PDE1C: variants seen among roughly 807,000 people sequenced by gnomAD.
PDE1C encodes dual specificity calcium/calmodulin-dependent 3',5'-cyclic nucleotide phosphodiesterase 1C.
Under a neutral mutation model 93.1 loss-of-function variants are expected in PDE1C, and 62 were observed. The observed-to-expected ratio is 0.67, with a 90% CI of 0.54 to 0.82. The LOEUF (loss-of-function observed/expected upper bound fraction) is 0.82. Ranked by LOEUF, PDE1C falls within the 40% of genes least tolerant of loss-of-function variation. The pLI is 0.00. For synonymous variants in PDE1C, 325 were observed against 310.1 expected (o/e 1.05, Z -0.50); for missense variants, 742 against 884.6 (o/e 0.84, Z 2.04).
At chr7:31,882,262 G>A (rs925823367) in intron 2 of PDE1C, among the ~76,000 whole-genome samples, 1 of 152,168 alleles carries the variant, frequency 6.6e-6, no homozygotes, top group African/African-American at 2.4e-5. Flanking sequence ...GGCCCCTGCA[G>A]GCTTGGAGGT....
intron 2 of PDE1C, among the ~76,000 whole-genome samples, chr7:32,203,768 C>T (rs1337676780): frequency 1.3e-5 from 2 of 152,178 alleles, no homozygotes; most frequent in Non-Finnish European, 2.9e-5. Context: ...TTTAATAACA[C>T]TTCCATCTTA....
the PDE1C span, among the ~76,000 whole-genome samples, chr7:31,696,430 G>A: frequency 1.3e-5 from 2 of 152,210 alleles, no homozygotes; most frequent in Non-Finnish European, 2.9e-5. Flanking sequence ...AGTGTGGGTA[G>A]TGAATTGTGG....
At chr7:31,747,467 C>G (rs1794030045), downstream of PDE1C, among the ~76,000 whole-genome samples, 1 of 152,086 alleles carries the variant, frequency 6.6e-6, no homozygotes, top group Non-Finnish European at 1.5e-5. Flanking sequence ...GAGCAGTGTT[C>G]TATCATTTCA....
intron 1 of PDE1C, among the ~76,000 whole-genome samples, chr7:32,271,121 G>C (rs150544581): frequency 2.0e-5 from 3 of 152,196 alleles, no homozygotes; most frequent in South Asian, 2.1e-4. Context: ...CTGGGTGACA[G>C]AGCGAGACTC....
chr7:32,094,838 T>C (rs1797665909), intron 3 of PDE1C, among the ~76,000 whole-genome samples: 1 of 152,196 alleles, frequency 6.6e-6, no homozygotes, highest in Non-Finnish European at 1.5e-5. Context: ...GCTCCATCTC[T>C]TGTTTTGCCC....
chr7:32,392,839 A>G (rs1221595222), intron 1 of PDE1C, among the ~76,000 whole-genome samples: 1 of 152,088 alleles, frequency 6.6e-6, no homozygotes, highest in African/African-American at 2.4e-5. Context: ...TCACAAGGTC[A>G]GGAGTTCGAG....
intron 2 of PDE1C, among the ~76,000 whole-genome samples, chr7:31,981,663 C>T (rs1258861879): frequency 1.3e-5 from 2 of 152,186 alleles, no homozygotes; most frequent in African/African-American, 4.8e-5. Flanking sequence ...ACTTTTAAAG[C>T]ACTTTTTCTA....
At position 31,754,890 on chromosome 7, in the gene PDE1C, TA is replaced by T. The variant is rs534136427; in HGVS notation, c.1961-1338del. The stretch of plus-strand genomic sequence containing the variant: ...TAGAATAATCCTTAATGTATGCAAA[TA>T]AAAAAACTATTTAAGAGGTCGGAGG... On this transcript the variant is annotated intron_variant, in intron 17 of 17. Coordinates refer to ENST00000396191, the MANE Select transcript of PDE1C (RefSeq NM_001191057.4). 1.2e-4 allele frequency among the ~76,000 whole-genome samples: 19 copies of T among 152,230 alleles called. No individual in the cohort carries two copies. In the East Asian group the frequency reaches 1.7e-3, roughly 14 times the overall value.
chr7:31,639,772 G>A, the PDE1C span, among the ~76,000 whole-genome samples: 4 of 151,860 alleles, frequency 2.6e-5, no homozygotes, highest in South Asian at 6.3e-4. Flanking sequence ...TCCTGACCTC[G>A]TGATCTGCCT....
At chr7:32,255,346 T>C (rs1027328056) in intron 1 of PDE1C, among the ~76,000 whole-genome samples, 1 of 152,210 alleles carries the variant, frequency 6.6e-6, no homozygotes, top group Non-Finnish European at 1.5e-5. Context: ...GCCTGGGCTT[T>C]GGATTTGCAT....
At chr7:32,278,759 A>G (rs1273457087) in intron 1 of PDE1C, among the ~76,000 whole-genome samples, 1 of 152,244 alleles carries the variant, frequency 6.6e-6, no homozygotes, top group African/African-American at 2.4e-5. Context: ...AGGGATGTTC[A>G]GATACACAAG....
intron 2 of PDE1C, among the ~76,000 whole-genome samples, chr7:31,958,753 A>T (rs1808497687): frequency 6.6e-6 from 1 of 152,312 alleles, no homozygotes; most frequent in African/African-American, 2.4e-5. Flanking sequence ...TGACTTTCCA[A>T]GGAATTTTGG....
chr7:32,302,658 G>C (rs1812908093), upstream of PDE1C, among the ~76,000 whole-genome samples: 1 of 152,202 alleles, frequency 6.6e-6, no homozygotes, highest in Non-Finnish European at 1.5e-5. Flanking sequence ...TTAATGGCAA[G>C]TTCTTGTTGC....
chr7:31,695,812 T>TA, the PDE1C span, among the ~76,000 whole-genome samples: 1 of 141,414 alleles, frequency 7.1e-6, no homozygotes, highest in African/African-American at 2.8e-5. Flanking sequence ...ATTAGGGGCT[T>TA]AATACAATAA....
At chr7:32,293,798 A>C (rs1366012832) in intron 1 of PDE1C, among the ~76,000 whole-genome samples, 1 of 152,086 alleles carries the variant, frequency 6.6e-6, no homozygotes, top group Non-Finnish European at 1.5e-5. Context: ...TTTACCTGGA[A>C]TCCTTACTGG....
intron 14 of PDE1C, among the ~76,000 whole-genome samples, chr7:31,821,255 A>C (rs1369263703): frequency 6.6e-6 from 1 of 152,188 alleles, no homozygotes; most frequent in South Asian, 2.1e-4. Flanking sequence ...AAATAGTTCA[A>C]ACACACAGTT....
the PDE1C span, among the ~76,000 whole-genome samples, chr7:31,725,269 C>T: frequency 6.6e-6 from 1 of 152,160 alleles, no homozygotes; most frequent in African/African-American, 2.4e-5. Context: ...AGGGAGCTCT[C>T]TCTACATTGC....
chr7:31,847,121 A>G (rs1792737792), intron 9 of PDE1C, among the ~76,000 whole-genome samples: 1 of 152,166 alleles, frequency 6.6e-6, no homozygotes, highest in African/African-American at 2.4e-5. Flanking sequence ...ACCTATATTT[A>G]TAGCTACGAT....
At chr7:32,426,111 G>A (rs577696040) in intron 1 of PDE1C, among the ~76,000 whole-genome samples, 1 of 152,192 alleles carries the variant, frequency 6.6e-6, no homozygotes, top group African/African-American at 2.4e-5. Flanking sequence ...GGTGGACCAT[G>A]ACAGATTTTA....
Sources: allele counts gnomAD v4.1 joint callset (sites outside exome capture counted in the v4.1 genomes callset), GRCh38; gene constraint gnomAD v4.1.1; transcripts MANE v1.5; gene names NCBI Gene and HGNC (gene_info 2026-07-23, HGNC 2026-07-21).